C2orf68: variants seen among roughly 807,000 people sequenced by gnomAD.
C2orf68 encodes chromosome 2 open reading frame 68, also known as UPF0561 protein C2orf68.
C2orf68 carries 15 observed loss-of-function variants against 19.1 expected under a neutral mutation model. That is an observed-to-expected ratio of 0.79 (90% CI 0.53 to 1.21). The LOEUF (loss-of-function observed/expected upper bound fraction) is 1.21, where lower values mean the gene tolerates loss of function less well. Ranked by LOEUF, C2orf68 falls within the 50% of genes most tolerant of loss-of-function variation. The pLI is 0.00. For synonymous variants in C2orf68, 98 were observed against 91.0 expected (o/e 1.08, Z -0.44); for missense variants, 242 against 226.6 (o/e 1.07, Z -0.44).
rs771022217 is a variant in C2orf68, at chr2:85,611,655, C to A, written c.226+13G>T. The A allele has an allele frequency of 1.9e-6, 3 of 1,557,698 alleles. No individual in the cohort carries two copies. Among genetic ancestry groups the A allele is most frequent in the East Asian group, 2.4e-5 (1 of 41,802 alleles). ...GCGCGCGGGCTGGAGGCAGGCGGGG[C>A]GGGCGGCCTCACCTCGGTGTCGCGG... is the stretch of plus-strand genomic sequence containing the variant. On this transcript the variant is annotated intron_variant, in intron 2 of 3. Transcript: ENST00000306336.
In C2orf68 at chr2:85,608,298, C is replaced by T. The variant is rs1331713558; in HGVS notation, c.*647G>A. ...GGAGGGAGACATGCTTGCAAATAGG[C>T]CTCAAAAATGGAGGTCTCCCACTTT... On this transcript the variant is annotated 3_prime_UTR_variant, in exon 4 of 4. Transcript: ENST00000306336. 1 of 152,142 alleles carries T rather than the reference C, an allele frequency of 6.6e-6. No homozygotes were observed. Among genetic ancestry groups the T allele is most frequent in the African/African-American group, 2.4e-5 (1 of 41,412 alleles). 9.4% of individuals were successfully genotyped at this position (152,142 alleles called of 1,614,324 possible). A position where few individuals can be genotyped will look rare whatever the true frequency, so the allele number is the denominator to read the frequency against.
chr2:85,608,988 A>G lies in C2orf68; in HGVS notation c.458T>C (p.Leu153Ser). The G allele has an allele frequency of 6.2e-7, 1 of 1,614,188 alleles. No homozygotes were observed. Among genetic ancestry groups the G allele is most frequent in the Non-Finnish European group, 8.5e-7 (1 of 1,180,040 alleles). The change falls in exon 4 of 4, where the codon TTG becomes TCG. Residue 153 changes from leucine to serine, a missense_variant. Leu to Ser is a moderately radical substitution (Grantham distance 145). Coordinates refer to ENST00000306336, the MANE Select transcript of C2orf68 (RefSeq NM_001013649.4). ...LDPPMREALK[L>S]RIQEEIAKRQ... ...CTTTGCAATCTCCTCCTGGATACGC[A>G]ACTTGAGGGCTTCTCGCATGGGTGG...
Position 85,605,845 on chromosome 2 carries a change from T to C in C2orf68, c.*3100A>G, listed in dbSNP as rs1673194222. Among the ~76,000 whole-genome samples, 1 of 152,252 alleles carries C rather than the reference T, an allele frequency of 6.6e-6. No individual in the cohort carries two copies. The highest frequency in any genetic ancestry group is 2.4e-5 in the African/African-American group (1 of 41,474). ...CTCAGAGTGCACCATGGAGATGGAATGTCCCTTCCAGAGAGACTTTTACAC... is the reference window on the plus strand; with the variant it reads ...CTCAGAGTGCACCATGGAGATGGAACGTCCCTTCCAGAGAGACTTTTACAC... On this transcript the variant is annotated 3_prime_UTR_variant, in exon 4 of 4. Transcript: ENST00000306336.
intron 2 of C2orf68, chr2:85,611,274 G>A (rs879106671): frequency 1.4e-6 from 2 of 1,410,222 alleles, no homozygotes; most frequent in East Asian, 2.7e-5. Context: ...ATATTAACCA[G>A]TGTGATCTCT....
chr2:85,611,705 G>C lies in C2orf68; in HGVS notation c.189C>G (p.Arg63=). The C allele has an allele frequency of 6.3e-7, 1 of 1,586,498 alleles. No homozygotes were observed. Among genetic ancestry groups the C allele is most frequent in the Admixed American group, 1.8e-5 (1 of 54,980 alleles). Residue 63 remains arginine (R), a synonymous_variant, in exon 2 of 4, where the codon CGC becomes CGG. Transcript: ENST00000306336. ...GCAGGTACACCTGCAGGTCTGGCTT[G>C]CGGGGCCGCGTCGGCGCGGGCGTGT... ...RRHTPAPTRP[R]KPDLQVYLPR...
chr2:85,608,928 G>T lies in C2orf68; in HGVS notation c.*17C>A. 2 of 1,613,828 alleles carry T rather than the reference G, an allele frequency of 1.2e-6. No individual in the cohort carries two copies. Among genetic ancestry groups the T allele is most frequent in the Non-Finnish European group, 1.7e-6 (2 of 1,179,798 alleles). The stretch of plus-strand genomic sequence containing the variant: ...GAGTGCAGTGAATCCAGCCTGGAGA[G>T]AACGCCTTCAACATGGTCAGTGTTG... On this transcript the variant is annotated 3_prime_UTR_variant, in exon 4 of 4. Transcript: ENST00000306336.
In C2orf68 at chr2:85,611,878, C is replaced by G. The variant is rs758299105; in HGVS notation, c.107G>C (p.Arg36Pro). Residue 36 changes from arginine (R) to proline (P), a missense_variant and splice_region_variant, in exon 1 of 4, where the codon CGG becomes CCG. Arg to Pro is a moderately radical substitution (Grantham distance 103, BLOSUM62 -2). Coordinates refer to ENST00000306336, the MANE Select transcript of C2orf68 (RefSeq NM_001013649.4). ...GCGGCGGCGCAGGGCGGGGCGGTAC[C>G]GAGCGATCTGGTTCCGTCGGATATG... is the stretch of plus-strand genomic sequence containing the variant. Reference protein sequence around the residue: ...VHHIRRNQIARDDYDKKVKQA... With the variant: ...VHHIRRNQIAPDDYDKKVKQA... 6.3e-7 allele frequency: 1 copy of G among 1,597,522 alleles called. No homozygotes were observed. The highest frequency in any genetic ancestry group is 8.5e-7 in the Non-Finnish European group (1 of 1,177,200).
In C2orf68 at chr2:85,611,638, GCTGGAGGCAGGCGGGGCGGGCGGC is replaced by G; in HGVS notation, c.226+6_226+29del. Reference sequence around the variant, plus strand: ...AGTGCGTTGCAGGAAGAGCGCGCGGGCTGGAGGCAGGCGGGGCGGGCGGCCTCACCTCGGTGTCGCGGCAGGTAC... The same window carrying G: ...AGTGCGTTGCAGGAAGAGCGCGCGGGCTCACCTCGGTGTCGCGGCAGGTAC... On this transcript the variant is annotated splice_donor_region_variant and intron_variant, in intron 2 of 3. Transcript: ENST00000306336. 6.4e-7 allele frequency: 1 copy of G among 1,565,888 alleles called. No homozygotes were observed. Among genetic ancestry groups the G allele is most frequent in the Non-Finnish European group, 8.7e-7 (1 of 1,155,036 alleles).
Position 85,607,279 on chromosome 2 carries a change from T to C in C2orf68, c.*1666A>G, listed in dbSNP as rs974617538. 1.3e-5 allele frequency: 2 copies of C among 152,246 alleles called. No homozygotes were observed. Among genetic ancestry groups the C allele is most frequent in the Admixed American group, 1.3e-4 (2 of 15,284 alleles). 9.4% of individuals were successfully genotyped at this position (152,246 alleles called of 1,614,324 possible). A position where few individuals can be genotyped will look rare whatever the true frequency, so the allele number is the denominator to read the frequency against. Reference sequence around the variant, plus strand: ...AGACTAGAATGACTGACTGGTTCTCTGACCAGGAAGAACAGGGGTGGAGTT... The same window carrying C: ...AGACTAGAATGACTGACTGGTTCTCCGACCAGGAAGAACAGGGGTGGAGTT... On this transcript the variant is annotated 3_prime_UTR_variant, in exon 4 of 4. Transcript: ENST00000306336.
chr2:85,609,042 T>G lies in C2orf68; in HGVS notation c.404A>C (p.Glu135Ala), dbSNP rs1435231891. The G allele has an allele frequency of 6.2e-7, 1 of 1,614,118 alleles. No individual in the cohort carries two copies. The highest frequency in any genetic ancestry group is 8.5e-7 in the Non-Finnish European group (1 of 1,180,044). The change falls in exon 4 of 4, where the codon GAG becomes GCG. Residue 135 changes from glutamate (E) to alanine (A), a missense_variant. Coordinates refer to ENST00000306336, the MANE Select transcript of C2orf68 (RefSeq NM_001013649.4). Reference protein sequence around the residue: ...YQGDDPGKVSEKVSAHTPLDP... With the variant: ...YQGDDPGKVSAKVSAHTPLDP... ...CAGAGGCGTGTGTGCCGACACCTTC[T>G]CACTCACCTTTCCTGGGTCATCACC...
chr2:85,607,174 CAAATGTATTTCCAGACT>C lies in C2orf68; in HGVS notation c.*1754_*1770del, dbSNP rs2104136059. ...GATCCAGCTGTGCGAAAACAGACCT[CAAATGTATTTCCAGACT>C]AAAAAGCCAGACTTGCAGTGAAATC... On this transcript the variant is annotated 3_prime_UTR_variant, in exon 4 of 4. Transcript: ENST00000306336. The C allele has an allele frequency of 6.6e-6, 1 of 152,286 alleles. No individual in the cohort carries two copies. The highest frequency in any genetic ancestry group is 1.5e-5 in the Non-Finnish European group (1 of 68,030). The allele number at this position is 152,286 out of a possible 1,614,324, so 9.4% of individuals were successfully genotyped here. A position where few individuals can be genotyped will look rare whatever the true frequency, so the allele number is the denominator to read the frequency against.
chr2:85,609,316 TCA>T lies in C2orf68; in HGVS notation c.378+117_378+118del, dbSNP rs942487474. The T allele has an allele frequency of 1.8e-5, 25 of 1,419,786 alleles. No homozygotes were observed. In the African/African-American group the frequency reaches 2.7e-4, roughly 15 times the overall value. The allele number at this position is 1,419,786 out of a possible 1,614,324, so 87.9% of individuals were successfully genotyped here. A position where few individuals can be genotyped will look rare whatever the true frequency, so the allele number is the denominator to read the frequency against. The stretch of plus-strand genomic sequence containing the variant: ...AAAGCACTGCCCGGCAGGCCTAGAC[TCA>T]CATGTGGAGCAGACGCTTCCCATTG... On this transcript the variant is annotated intron_variant, in intron 3 of 3. Transcript: ENST00000306336.
chr2:85,612,017 C>A lies in C2orf68; in HGVS notation c.-33G>T, dbSNP rs762845589. ...CGGGGACGCAGAGTCGCCGCCGCCT[C>A]GACGGCCCCAACAACAGCCACCCGC... is the stretch of plus-strand genomic sequence containing the variant. On this transcript the variant is annotated 5_prime_UTR_variant, in exon 1 of 4. Transcript: ENST00000306336. 8.3e-6 allele frequency: 12 copies of A among 1,438,518 alleles called. No homozygotes were observed. The highest frequency in any genetic ancestry group is 1.0e-5 in the Non-Finnish European group (11 of 1,090,162). The allele number at this position is 1,438,518 out of a possible 1,614,324, so 89.1% of individuals were successfully genotyped here. A position where few individuals can be genotyped will look rare whatever the true frequency, so the allele number is the denominator to read the frequency against.
Position 85,608,432 on chromosome 2 carries a change from A to G in C2orf68, c.*513T>C. On this transcript the variant is annotated 3_prime_UTR_variant, in exon 4 of 4. Coordinates refer to ENST00000306336, the MANE Select transcript of C2orf68 (RefSeq NM_001013649.4). ...GAGGTACACAGTCATTTGGAGGGGG[A>G]GGAAAACTGATGGATTCTACCTGAG... 1 of 152,402 alleles carries G rather than the reference A, an allele frequency of 6.6e-6. No individual in the cohort carries two copies. Among genetic ancestry groups the G allele is most frequent in the Non-Finnish European group, 1.5e-5 (1 of 68,142 alleles). The allele number at this position is 152,402 out of a possible 1,614,324, so 9.4% of individuals were successfully genotyped here.
At chr2:85,611,068 C>G (rs1214316299) in intron 2 of C2orf68, 2 of 204,536 alleles carry the variant, frequency 9.8e-6, no homozygotes, top group Non-Finnish European at 1.8e-5. Context: ...CGGGGAAACC[C>G]CTTCTCTACA....
rs755620398 is a variant in C2orf68 at position 85,611,818 on chromosome 2, T to TCGGGC, written c.108-37_108-33dup. On this transcript the variant is annotated intron_variant, in intron 1 of 3. Coordinates refer to ENST00000306336, the MANE Select transcript of C2orf68 (RefSeq NM_001013649.4). ...GGAGCCGAGCGGGAGTCAGGGACTG[T>TCGGGC]CGGGCCGGGCCAGGCCAGGCCAGGA... 30 of 1,607,980 alleles carry TCGGGC rather than the reference T, an allele frequency of 1.9e-5. No homozygotes were observed. In the African/African-American group the frequency reaches 2.1e-4, roughly 11 times the overall value.
rs1673291718 is a variant in C2orf68, at chr2:85,608,306, A to G, written c.*639T>C. 1 of 152,226 alleles carries G rather than the reference A, an allele frequency of 6.6e-6. No individual in the cohort carries two copies. The highest frequency in any genetic ancestry group is 2.1e-4 in the South Asian group (1 of 4,820). The allele number at this position is 152,226 out of a possible 1,614,324, so 9.4% of individuals were successfully genotyped here. ...ACATGCTTGCAAATAGGCCTCAAAA[A>G]TGGAGGTCTCCCACTTTATTGGTAT... On this transcript the variant is annotated 3_prime_UTR_variant, in exon 4 of 4. Coordinates refer to ENST00000306336, the MANE Select transcript of C2orf68 (RefSeq NM_001013649.4).
rs950167552 is a variant in C2orf68 at position 85,608,179 on chromosome 2, A to T, written c.*766T>A. ...GGCCGAGGCAGGTTTTGCTGTAAGA[A>T]ATCTTTTCAGTTTAGCACCAACATC... On this transcript the variant is annotated 3_prime_UTR_variant, in exon 4 of 4. Transcript: ENST00000306336. 2.0e-5 allele frequency: 3 copies of T among 152,230 alleles called. No homozygotes were observed. Among genetic ancestry groups the T allele is most frequent in the Non-Finnish European group, 2.9e-5 (2 of 68,050 alleles). The allele number at this position is 152,230 out of a possible 1,614,324, so 9.4% of individuals were successfully genotyped here.
rs771589402 is a variant in C2orf68 at position 85,609,010 on chromosome 2, G to A, written c.436C>T (p.Pro146Ser). 1.1e-5 allele frequency: 18 copies of A among 1,614,132 alleles called. No individual in the cohort carries two copies. In the East Asian group the frequency reaches 3.6e-4, roughly 32 times the overall value. Reference protein sequence around the residue: ...KVSAHTPLDPPMREALKLRIQ... With the variant: ...KVSAHTPLDPSMREALKLRIQ... ...CGCAACTTGAGGGCTTCTCGCATGG[G>A]TGGATCCAGAGGCGTGTGTGCCGAC... Residue 146 changes from proline (P) to serine (S), a missense_variant, in exon 4 of 4, where the codon CCC (proline) becomes TCC (serine). Coordinates refer to ENST00000306336, the MANE Select transcript of C2orf68 (RefSeq NM_001013649.4).
Sources: allele counts gnomAD v4.1 joint callset (sites outside exome capture counted in the v4.1 genomes callset), GRCh38; gene constraint gnomAD v4.1.1; transcripts MANE v1.5; gene names NCBI Gene and HGNC (gene_info 2026-07-23, HGNC 2026-07-21).